Variants in PRKN observed in about 807,000 individuals in gnomAD.
The protein encoded by PRKN is E3 ubiquitin-protein ligase parkin.
In PRKN, 56 loss-of-function variants were observed where a neutral mutation model predicts 59.5. The observed-to-expected ratio is 0.94, with a 90% CI of 0.76 to 1.18. The LOEUF (loss-of-function observed/expected upper bound fraction) is 1.18, where lower values mean the gene tolerates loss of function less well. PRKN is among the 50% of genes most tolerant of loss of function. The pLI is 0.00. For missense variants in PRKN, 657 were observed against 596.4 expected (o/e 1.10, Z -1.06); for synonymous variants, 250 against 222.1 (o/e 1.13, Z -1.12).
At chr6:161,521,752 G>C (rs1244959628) in intron 9 of PRKN, among the ~76,000 whole-genome samples, 1 of 152,060 alleles carries the variant, frequency 6.6e-6, no homozygotes, top group Non-Finnish European at 1.5e-5. Context: ...GGATTATCTG[G>C]CCTCTCAGTT....
intron 7 of PRKN, among the ~76,000 whole-genome samples, chr6:161,657,179 C>T (rs955193198): frequency 2.6e-5 from 4 of 152,084 alleles, no homozygotes; most frequent in Admixed American, 6.5e-5. Flanking sequence ...ATCCAGACAC[C>T]CGAGAATCAC....
intron 1 of PRKN, among the ~76,000 whole-genome samples, chr6:162,713,506 A>AAC (rs1554264509): frequency 1.3e-5 from 2 of 151,636 alleles, no homozygotes; most frequent in Admixed American, 1.3e-4. Flanking sequence ...AAAAAAAAAA[A>AAC]AAAAAAAAAT....
At chr6:162,004,118 C>T (rs1314055058) in intron 5 of PRKN, among the ~76,000 whole-genome samples, 2 of 152,082 alleles carry the variant, frequency 1.3e-5, no homozygotes, top group Non-Finnish European at 2.9e-5. Flanking sequence ...GGAGGTGGGG[C>T]CTGGTGGGAG....
At chr6:161,966,639 C>A (rs749955624) in intron 6 of PRKN, among the ~76,000 whole-genome samples, 11 of 152,186 alleles carry the variant, frequency 7.2e-5, no homozygotes, top group Non-Finnish European at 1.5e-4. Flanking sequence ...GCTTGTTATG[C>A]TTATATTCAT....
At chr6:161,770,543 C>A (rs1428607465) in intron 7 of PRKN, among the ~76,000 whole-genome samples, 1 of 152,130 alleles carries the variant, frequency 6.6e-6, no homozygotes, top group Non-Finnish European at 1.5e-5. Context: ...TCTCAGCTCA[C>A]TGTAACCTCC....
At chr6:161,617,253 G>T (rs978011609) in intron 7 of PRKN, among the ~76,000 whole-genome samples, 9 of 152,216 alleles carry the variant, frequency 5.9e-5, no homozygotes, top group Admixed American at 1.3e-4. Flanking sequence ...TTTTGATGGG[G>T]TTGATTTTTT....
chr6:161,519,500 T>C (rs1384462474), intron 9 of PRKN, among the ~76,000 whole-genome samples: 3 of 152,094 alleles, frequency 2.0e-5, no homozygotes, highest in Admixed American at 1.3e-4. Flanking sequence ...AGGGATATAG[T>C]GAAAGACAGG....
chr6:162,561,752 G>C (rs984134623), intron 1 of PRKN, among the ~76,000 whole-genome samples: 1 of 152,124 alleles, frequency 6.6e-6, no homozygotes, highest in Non-Finnish European at 1.5e-5. Context: ...GCCTGCCCAT[G>C]CCAGGGGGAA....
At chr6:161,805,380 A>T (rs1328468114) in intron 6 of PRKN, among the ~76,000 whole-genome samples, 1 of 152,030 alleles carries the variant, frequency 6.6e-6, no homozygotes, top group African/African-American at 2.4e-5. Context: ...GTTCTTCTGG[A>T]TAAGCATCTG....
At chr6:162,228,291 T>TA (rs1323082219) in intron 3 of PRKN, among the ~76,000 whole-genome samples, 2 of 152,170 alleles carry the variant, frequency 1.3e-5, no homozygotes, top group Non-Finnish European at 2.9e-5. Context: ...ATTGACTTCT[T>TA]AGAGTATATT....
intron 1 of PRKN, among the ~76,000 whole-genome samples, chr6:162,674,079 C>T (rs1030430740): frequency 6.6e-6 from 1 of 152,214 alleles, no homozygotes; most frequent in Non-Finnish European, 1.5e-5. Context: ...TGTCAGAACA[C>T]ATTAAGAGCT....
chr6:162,169,482 CAT>C (rs34486925), intron 4 of PRKN, among the ~76,000 whole-genome samples: 44,194 of 151,994 alleles, frequency 0.29, 6,629 homozygotes, highest in Middle Eastern at 0.37. Context: ...AAATTTATCA[CAT>C]GTTATGTAAA....
At chr6:162,144,843 T>G (rs1214406439) in intron 4 of PRKN, among the ~76,000 whole-genome samples, 1 of 152,042 alleles carries the variant, frequency 6.6e-6, no homozygotes, top group Non-Finnish European at 1.5e-5. Flanking sequence ...CCACATTTGC[T>G]CCTTATCTAG....
chr6:161,617,524 T>G (rs1204036601), intron 7 of PRKN, among the ~76,000 whole-genome samples: 2 of 152,256 alleles, frequency 1.3e-5, no homozygotes, highest in Non-Finnish European at 2.9e-5. Context: ...ACAGACTCAT[T>G]GAGGTTTTAG....
intron 2 of PRKN, among the ~76,000 whole-genome samples, chr6:162,396,902 T>C (rs1787504663): frequency 6.6e-6 from 1 of 152,134 alleles, no homozygotes; most frequent in East Asian, 1.9e-4. Flanking sequence ...GTGGGCTAAC[T>C]TATCCCCTAA....
chr6:162,699,214 G>T (rs934310450), intron 1 of PRKN, among the ~76,000 whole-genome samples: 3 of 152,076 alleles, frequency 2.0e-5, no homozygotes, highest in Non-Finnish European at 4.4e-5. Context: ...GCAAAGTGTG[G>T]GGAAGCTATT....
At chr6:162,153,388 T>G (rs1384371809) in intron 4 of PRKN, among the ~76,000 whole-genome samples, 1 of 152,156 alleles carries the variant, frequency 6.6e-6, no homozygotes, top group Non-Finnish European at 1.5e-5. Context: ...AGCATCCAGG[T>G]GGGGCTGACT....
chr6:161,687,172 A>T (rs1261129470), intron 7 of PRKN, among the ~76,000 whole-genome samples: 1 of 151,952 alleles, frequency 6.6e-6, no homozygotes, highest in Non-Finnish European at 1.5e-5. Flanking sequence ...AGACTGCCTG[A>T]GGTCAGGAGT....
intron 2 of PRKN, among the ~76,000 whole-genome samples, chr6:162,410,841 C>G (rs975000215): frequency 6.6e-6 from 1 of 152,122 alleles, no homozygotes; most frequent in African/African-American, 2.4e-5. Context: ...CTGCCCAAAT[C>G]AGCAGAATTT....
Sources: gnomAD v4.1 joint callset for allele counts (sites outside exome capture counted in the v4.1 genomes callset) on GRCh38, gnomAD v4.1.1 for gene constraint, MANE v1.5 for transcripts, NCBI Gene and HGNC (gene_info 2026-07-23, HGNC 2026-07-21) for gene names.